Variants in CEP85L observed in about 807,000 individuals in gnomAD.
The protein encoded by CEP85L is centrosomal protein of 85 kDa-like.
A neutral mutation model predicts 100.3 loss-of-function variants in CEP85L; 60 were observed. The ratio of observed to expected loss-of-function variants is 0.60; its 90% confidence interval spans 0.49 to 0.74. The LOEUF is 0.74. Ranked by LOEUF, CEP85L falls within the 30% of genes least tolerant of loss-of-function variation. The pLI is 0.00. For missense variants in CEP85L, 973 were observed against 936.2 expected, an observed-to-expected ratio of 1.04 and a Z score of -0.51; for synonymous variants, 319 against 322.7, an observed-to-expected ratio of 0.99 and a Z score of 0.12.
Position 118,461,488 on chromosome 6 carries a change from A to G in CEP85L, c.*3917T>C, listed in dbSNP as rs1772229685. 1 of 152,150 alleles carries G rather than the reference A, an allele frequency of 6.6e-6. No individual in the cohort carries two copies. The highest frequency in any genetic ancestry group is 2.1e-4 in the South Asian group (1 of 4,830). 9.4% of individuals were successfully genotyped at this position (152,150 alleles called of 1,614,324 possible). On this transcript the variant is annotated 3_prime_UTR_variant, in exon 13 of 13. Transcript: ENST00000368491. ...TCATCAACATTCTTAGAACTCATGT[A>G]AAATAGAAATAAATGCTTACTGCAG...
At chr6:118,527,164 C>T (rs1346477270) in intron 3 of CEP85L, among the ~76,000 whole-genome samples, 2 of 151,818 alleles carry the variant, frequency 1.3e-5, no homozygotes, top group Admixed American at 6.6e-5. Context: ...AGAACCATGC[C>T]CAGCTAATTT....
In CEP85L at chr6:118,464,632, G is replaced by A. The variant is rs1335059499; in HGVS notation, c.*773C>T. 1 of 151,714 alleles carries A rather than the reference G, an allele frequency of 6.6e-6. No homozygotes were observed. Among genetic ancestry groups the A allele is most frequent in the Admixed American group, 6.6e-5 (1 of 15,208 alleles). 9.4% of individuals were successfully genotyped at this position (151,714 alleles called of 1,614,324 possible). ...ACATATAAATAAAAAATTGTAAATA[G>A]TAAGGAACATGTTAAAATTAGTTCA... On this transcript the variant is annotated 3_prime_UTR_variant, in exon 13 of 13. Transcript: ENST00000368491.
intron 1 of CEP85L, among the ~76,000 whole-genome samples, chr6:118,684,512 AAAAGAAAG>A (rs1169177374): frequency 1.3e-5 from 2 of 152,312 alleles, no homozygotes; most frequent in African/African-American, 4.8e-5. Flanking sequence ...CTGTTTCTAA[AAAAGAAAG>A]AAAGAAAGAA....
chr6:118,615,765 C>T (rs367720934), intron 2 of CEP85L, among the ~76,000 whole-genome samples: 14 of 152,308 alleles, frequency 9.2e-5, no homozygotes, highest in African/African-American at 3.4e-4. Context: ...TACCAAAAAA[C>T]CCTGGACACC....
At chr6:118,662,110 A>G (rs80212582) in intron 1 of CEP85L, among the ~76,000 whole-genome samples, 2 of 152,226 alleles carry the variant, frequency 1.3e-5, no homozygotes, top group Admixed American at 6.5e-5. Context: ...TGCTAAGAAA[A>G]GGGGCGAATA....
intron 2 of CEP85L, among the ~76,000 whole-genome samples, chr6:118,581,040 A>C (rs1428466191): frequency 6.6e-6 from 1 of 152,222 alleles, no homozygotes. Flanking sequence ...AATCCTCTAC[A>C]TGAGGCACTT....
intron 4 of CEP85L, among the ~76,000 whole-genome samples, chr6:118,523,341 A>T (rs184379229): frequency 5.9e-5 from 9 of 152,332 alleles, no homozygotes; most frequent in African/African-American, 2.2e-4. Context: ...CAAAACTGCC[A>T]TAATTCTTAA....
At chr6:118,560,637 C>T (rs1026814710) in intron 3 of CEP85L, 15 of 166,900 alleles carry the variant, frequency 9.0e-5, no homozygotes, top group African/African-American at 3.6e-4. Flanking sequence ...CTCTATCAAC[C>T]AAATGGTAAG....
At chr6:118,632,231 C>T (rs904256059) in intron 2 of CEP85L, among the ~76,000 whole-genome samples, 5 of 152,112 alleles carry the variant, frequency 3.3e-5, no homozygotes, top group East Asian at 3.8e-4. Flanking sequence ...CCTCGTGATC[C>T]GCCCACCTCA....
chr6:118,628,140 A>T (rs1345081383), intron 2 of CEP85L, among the ~76,000 whole-genome samples: 1 of 152,182 alleles, frequency 6.6e-6, no homozygotes, highest in Non-Finnish European at 1.5e-5. Context: ...AGCTTTCAAA[A>T]AATAAAAATA....
intron 4 of CEP85L, among the ~76,000 whole-genome samples, 200 bp downstream of exon 4, chr6:118,523,602 T>C (rs1776786831): frequency 6.6e-6 from 1 of 152,156 alleles, no homozygotes; most frequent in African/African-American, 2.4e-5. Context: ...ATAGGAGGGA[T>C]GACAGAAATC....
chr6:118,676,289 A>G (rs1336565804), intron 1 of CEP85L, among the ~76,000 whole-genome samples: 1 of 152,152 alleles, frequency 6.6e-6, no homozygotes, highest in Non-Finnish European at 1.5e-5. Flanking sequence ...CTCCTATCTA[A>G]CTGAAACTAT....
intron 5 of CEP85L, among the ~76,000 whole-genome samples, chr6:118,505,394 T>G (rs1775580791): frequency 8.7e-6 from 1 of 114,896 alleles, no homozygotes; most frequent in African/African-American, 3.5e-5. Flanking sequence ...TGAGCCAAGA[T>G]CACGTCACTG....
intron 2 of CEP85L, among the ~76,000 whole-genome samples, chr6:118,568,942 T>C (rs1329702006): frequency 6.6e-6 from 1 of 152,038 alleles, no homozygotes; most frequent in Non-Finnish European, 1.5e-5. Context: ...CTAAAAGATA[T>C]CTTTAAATTA....
intron 3 of CEP85L, among the ~76,000 whole-genome samples, chr6:118,558,592 GAA>G (rs1413063302): frequency 2.0e-5 from 3 of 150,180 alleles, no homozygotes; most frequent in Admixed American, 1.3e-4. Flanking sequence ...AAAAAGGAGA[GAA>G]AGAGAGACAG....
Position 118,565,708 on chromosome 6 carries a change from C to G in CEP85L, c.841G>C (p.Gly281Arg). 1 of 1,614,146 alleles carries G rather than the reference C, an allele frequency of 6.2e-7. No individual in the cohort carries two copies. The highest frequency in any genetic ancestry group is 8.5e-7 in the Non-Finnish European group (1 of 1,180,018). Residue 281 changes from glycine (G) to arginine (R), a missense_variant, in exon 3 of 13, where the codon GGT becomes CGT. Physicochemically the swap from Gly to Arg is moderately radical, Grantham distance 125 (BLOSUM62 -2). Transcript: ENST00000368491. ...AFEPPKYLML[G>R]QQAVGGVPIQ... ...GGAACTCCACCTACTGCCTGTTGAC[C>G]AAGCATTAAATATTTTGGAGGTTCA...
At chr6:118,654,547 C>T (rs921667426), upstream of CEP85L, among the ~76,000 whole-genome samples, 10 of 152,128 alleles carry the variant, frequency 6.6e-5, no homozygotes, top group African/African-American at 2.4e-4. Context: ...TGCTATACAA[C>T]CTCTTCCAGA....
intron 10 of CEP85L, among the ~76,000 whole-genome samples, chr6:118,472,348 G>A (rs1773025302): frequency 6.6e-6 from 1 of 152,072 alleles, no homozygotes; most frequent in Admixed American, 6.5e-5. Context: ...TTTCTCATAT[G>A]TTGCTTGAGT....
chr6:118,515,310 A>C (rs998959952), intron 4 of CEP85L, among the ~76,000 whole-genome samples: 1 of 152,210 alleles, frequency 6.6e-6, no homozygotes, highest in African/African-American at 2.4e-5. Context: ...CCTGGATCTC[A>C]ATAATTGACA....
Sources: gnomAD v4.1 joint callset for allele counts (sites outside exome capture counted in the v4.1 genomes callset) on GRCh38, gnomAD v4.1.1 for gene constraint, MANE v1.5 for transcripts, NCBI Gene and HGNC (gene_info 2026-07-23, HGNC 2026-07-21) for gene names.